Variants in SLFN12L observed in about 807,000 individuals in gnomAD.
The protein encoded by SLFN12L is schlafen family member 12-like.
A neutral mutation model predicts 34.8 loss-of-function variants in SLFN12L; 34 were observed. The observed-to-expected ratio is 0.98, with a 90% CI of 0.74 to 1.30. SLFN12L has a LOEUF of 1.30. Among genes scored for constraint, SLFN12L ranks in the 50% most tolerant of loss-of-function variants. The probability of loss-of-function intolerance (pLI) is 0.00; values close to 1 mark genes in which losing one functional copy is unlikely to be tolerated. For synonymous variants in SLFN12L, 259 were observed against 247.5 expected, an observed-to-expected ratio of 1.05 and a Z score of -0.44; for missense variants, 703 against 696.2, an observed-to-expected ratio of 1.01 and a Z score of -0.11.
chr17:35,523,618 A>G (rs1438115354), intron 1 of SLFN12L, among the ~76,000 whole-genome samples: 1 of 152,198 alleles, frequency 6.6e-6, no homozygotes, highest in Non-Finnish European at 1.5e-5. Flanking sequence ...GTGACATGAG[A>G]ATATACTTGT....
intron 2 of SLFN12L, chr17:35,498,593 G>C (rs1915182479): frequency 1.3e-6 from 2 of 1,594,004 alleles, no homozygotes; most frequent in Non-Finnish European, 1.7e-6. Context: ...TCCATGGAAT[G>C]TTTCTGCAGA....
At chr17:35,503,360 A>C (rs1015733046) in intron 2 of SLFN12L, among the ~76,000 whole-genome samples, 2 of 152,236 alleles carry the variant, frequency 1.3e-5, no homozygotes, top group African/African-American at 4.8e-5. Flanking sequence ...CTCTTTAACA[A>C]AGATTATAAA....
rs759402093 is a variant in SLFN12L at position 35,478,089 on chromosome 17, C to T, written c.1262G>A (p.Arg421Lys). 7.8e-6 allele frequency: 12 copies of T among 1,538,742 alleles called. No homozygotes were observed. The Middle Eastern group carries it at 6.7e-4, about 86-fold the overall frequency. The change falls in exon 4 of 5, where the codon AGA (arginine) becomes AAA (lysine). Residue 421 changes from arginine to lysine, a missense_variant. By Grantham distance (26) the Arg-to-Lys change is conservative. Coordinates refer to ENST00000628453, the MANE Select transcript of SLFN12L (RefSeq NM_001363830.2). ...AATTAAATTACCTGGAAGGTGATAT[C>T]TCAGTGGCTGAATTTTGAAGTTAAT... ...EYINFKIQPLRYHLPGLSEKI... is the reference protein window; with the variant it reads ...EYINFKIQPLKYHLPGLSEKI...
chr17:35,524,106 G>A (rs530873595), intron 1 of SLFN12L, among the ~76,000 whole-genome samples: 2 of 152,288 alleles, frequency 1.3e-5, no homozygotes, highest in African/African-American at 2.4e-5. Context: ...ATTGTTGCTT[G>A]TGCTTTCTCA....
intron 2 of SLFN12L, among the ~76,000 whole-genome samples, chr17:35,496,653 G>A (rs1182225972): frequency 6.6e-6 from 1 of 152,108 alleles, no homozygotes; most frequent in African/African-American, 2.4e-5. Context: ...TAAAGCCTGT[G>A]CAGTAGGCGT....
At chr17:35,480,752 G>T (rs995309527) in intron 2 of SLFN12L, among the ~76,000 whole-genome samples, 1 of 151,912 alleles carries the variant, frequency 6.6e-6, no homozygotes, top group African/African-American at 2.4e-5. Flanking sequence ...GGCATTGATC[G>T]CAAGCAAAAC....
chr17:35,490,713 C>A (rs539906067), intron 2 of SLFN12L: 24 of 1,348,380 alleles, frequency 1.8e-5, no homozygotes, highest in Non-Finnish European at 2.3e-5. Context: ...GGTTAGCTTA[C>A]GTTACATATC....
chr17:35,532,748 C>T (rs369939191), intron 1 of SLFN12L, among the ~76,000 whole-genome samples: 1 of 151,980 alleles, frequency 6.6e-6, no homozygotes, highest in African/African-American at 2.4e-5. Flanking sequence ...CAAAAATTAG[C>T]CAGGCATGAT....
intron 2 of SLFN12L, among the ~76,000 whole-genome samples, chr17:35,507,685 T>C (rs776004578): frequency 6.6e-6 from 1 of 152,230 alleles, no homozygotes; most frequent in Non-Finnish European, 1.5e-5. Context: ...AAAACTCTTA[T>C]AATAGGAGTT....
At chr17:35,536,291 G>A (rs924400082) in intron 1 of SLFN12L, among the ~76,000 whole-genome samples, 2 of 152,058 alleles carry the variant, frequency 1.3e-5, no homozygotes, top group East Asian at 1.9e-4. Flanking sequence ...AAAAACATAG[G>A]TCTATTTCTG....
At chr17:35,490,034 A>T in intron 2 of SLFN12L, 1 of 1,602,082 alleles carries the variant, frequency 6.2e-7, no homozygotes, top group East Asian at 2.2e-5. Context: ...GAACACTTCC[A>T]CCACCTCCTG....
chr17:35,508,426 A>C (rs1398812485), intron 2 of SLFN12L, among the ~76,000 whole-genome samples: 1 of 152,184 alleles, frequency 6.6e-6, no homozygotes, highest in African/African-American at 2.4e-5. Flanking sequence ...AGCTCACTGC[A>C]ATGTCCGCCT....
chr17:35,533,260 T>C (rs1246669099), intron 1 of SLFN12L, among the ~76,000 whole-genome samples: 1 of 152,234 alleles, frequency 6.6e-6, no homozygotes, highest in Non-Finnish European at 1.5e-5. Context: ...ATGAACTAGG[T>C]ACTTCTCAAT....
intron 2 of SLFN12L, among the ~76,000 whole-genome samples, chr17:35,488,471 T>C (rs1359758923): frequency 1.3e-5 from 2 of 152,220 alleles, no homozygotes; most frequent in Non-Finnish European, 2.9e-5. Context: ...AACAGTCCAG[T>C]GGCTCCTCTA....
intron 2 of SLFN12L, chr17:35,498,145 G>A (rs907781670): frequency 3.2e-6 from 2 of 615,982 alleles, no homozygotes; most frequent in Non-Finnish European, 5.8e-6. Context: ...CAGCAGAGAC[G>A]ACGGAGGCGG....
chr17:35,483,151 G>T (rs1029222369), intron 2 of SLFN12L, among the ~76,000 whole-genome samples: 1 of 151,710 alleles, frequency 6.6e-6, no homozygotes, highest in Non-Finnish European at 1.5e-5. Flanking sequence ...AGCAGCAAAC[G>T]TAGGAAGGAC....
At chr17:35,530,435 G>GAAAGAAAGAAAGAAAGAAA (rs1240405993) in intron 1 of SLFN12L, among the ~76,000 whole-genome samples, 1 of 11,412 alleles carries the variant, frequency 8.8e-5, no homozygotes, top group African/African-American at 2.4e-4. Flanking sequence ...GGAAGGGAAG[G>GAAAGAAAGAAAGAAAGAAA]GAAGGGAAGA....
At chr17:35,478,054 C>A (rs780729919) in intron 4 of SLFN12L, 21 bp downstream of exon 4, 3 of 1,464,296 alleles carry the variant, frequency 2.0e-6, no homozygotes, top group Non-Finnish European at 2.8e-6. Flanking sequence ...AACAACTCCA[C>A]GGAAGCCAGA....
At chr17:35,490,949 T>A in intron 2 of SLFN12L, 1 of 787,808 alleles carries the variant, frequency 1.3e-6, no homozygotes. Context: ...ACCCACCTCG[T>A]TGGTTTCAAC....
Sources: allele counts gnomAD v4.1 joint callset (sites outside exome capture counted in the v4.1 genomes callset), GRCh38; gene constraint gnomAD v4.1.1; transcripts MANE v1.5; gene names NCBI Gene and HGNC (gene_info 2026-07-23, HGNC 2026-07-21).